MTMR12: variants seen among roughly 807,000 people sequenced by gnomAD.
The protein encoded by MTMR12 is myotubularin-related protein 12.
MTMR12 carries 33 observed loss-of-function variants against 96.7 expected under a neutral mutation model. The ratio of observed to expected loss-of-function variants is 0.34; its 90% CI spans 0.26 to 0.46. The LOEUF (loss-of-function observed/expected upper bound fraction) is 0.46. MTMR12 is among the 20% of genes least tolerant of loss of function. MTMR12 has a pLI of 1.00. For missense variants in MTMR12, 721 were observed against 896.1 expected (o/e 0.80, Z 2.49); for synonymous variants, 298 against 327.2 (o/e 0.91, Z 0.96).
chr5:32,269,501 C>T (rs923642607), intron 5 of MTMR12, among the ~76,000 whole-genome samples: 3 of 152,070 alleles, frequency 2.0e-5, no homozygotes, highest in Admixed American at 6.6e-5. Flanking sequence ...GACAGGGTTT[C>T]GCCATGTTGG....
At chr5:32,243,665 C>A (rs1228150373) in intron 10 of MTMR12, 66 bp from the exon 11 acceptor site, 9 of 984,330 alleles carry the variant, frequency 9.1e-6, no homozygotes, top group South Asian at 1.4e-5. Context: ...CACAAAAATC[C>A]TGTGCTCCTC....
At chr5:32,293,288 A>G (rs1750807436) in intron 1 of MTMR12, among the ~76,000 whole-genome samples, 1 of 152,162 alleles carries the variant, frequency 6.6e-6, no homozygotes, top group African/African-American at 2.4e-5. Flanking sequence ...TGGGCTGGGA[A>G]AGGCAGACCC....
chr5:32,256,949 T>A (rs28490214), intron 7 of MTMR12, among the ~76,000 whole-genome samples: 3 of 152,178 alleles, frequency 2.0e-5, no homozygotes, highest in African/African-American at 7.2e-5. Context: ...TGATTACTTT[T>A]AAAAAAAGAT....
chr5:32,303,469 G>A (rs543772659), intron 1 of MTMR12, among the ~76,000 whole-genome samples: 1 of 152,150 alleles, frequency 6.6e-6, no homozygotes, highest in East Asian at 1.9e-4. Context: ...AAAGCCAACA[G>A]GAGATTAGAG....
chr5:32,290,362 G>A (rs569660344), intron 1 of MTMR12, among the ~76,000 whole-genome samples: 1 of 152,132 alleles, frequency 6.6e-6, no homozygotes, highest in Non-Finnish European at 1.5e-5. Flanking sequence ...TTATTGGTGA[G>A]ACATTTTCAT....
At chr5:32,300,689 C>G (rs1416463531) in intron 1 of MTMR12, among the ~76,000 whole-genome samples, 1 of 152,082 alleles carries the variant, frequency 6.6e-6, no homozygotes, top group Admixed American at 6.6e-5. Flanking sequence ...TAGCATAGAT[C>G]ATCTTTATTC....
chr5:32,272,377 T>C (rs1013522581), intron 3 of MTMR12, among the ~76,000 whole-genome samples: 3 of 152,064 alleles, frequency 2.0e-5, no homozygotes, highest in Admixed American at 6.6e-5. Flanking sequence ...TGAGAAAAGC[T>C]CCTGAGATTC....
intron 8 of MTMR12, among the ~76,000 whole-genome samples, chr5:32,251,773 G>C (rs959236268): frequency 1.3e-5 from 2 of 152,140 alleles, no homozygotes; most frequent in Admixed American, 6.5e-5. Flanking sequence ...CTCCAAACAA[G>C]GCAATCAAGA....
chr5:32,310,123 T>C (rs1264163979), intron 1 of MTMR12, among the ~76,000 whole-genome samples: 2 of 152,154 alleles, frequency 1.3e-5, no homozygotes, highest in African/African-American at 4.8e-5. Flanking sequence ...GAGAGCAGCC[T>C]GGGCAAAGAC....
intron 1 of MTMR12, among the ~76,000 whole-genome samples, chr5:32,310,543 A>AGGCGCAGAAAGACAAACTTT (rs1751538809): frequency 1.3e-5 from 2 of 152,258 alleles, no homozygotes; most frequent in Non-Finnish European, 2.9e-5. Context: ...GAACTACGCC[A>AGGCGCAGAAAGACAAACTTT]GGCGCAGAAA....
intron 10 of MTMR12, among the ~76,000 whole-genome samples, chr5:32,245,272 G>C (rs1748635741): frequency 6.6e-6 from 1 of 152,124 alleles, no homozygotes; most frequent in South Asian, 2.1e-4. Flanking sequence ...CTGACCTCTG[G>C]TGATCCGCCC....
In MTMR12 at chr5:32,239,095, A is replaced by G. The variant is rs1299942481; in HGVS notation, c.1250T>C (p.Ile417Thr). 3 of 1,610,120 alleles carry G rather than the reference A, an allele frequency of 1.9e-6. No individual in the cohort carries two copies. The highest frequency in any genetic ancestry group is 3.4e-5 in the Admixed American group (2 of 59,478). ...LMMDPHCRTR[I>T]GFQSLIQKEW... ...CTTTTGGATGAGGCTCTGGAAACCA[A>G]TTCTGGTTCTGCAGTGGGGGTCCAT... The change falls in exon 13 of 16, where the codon ATT becomes ACT. Residue 417 changes from isoleucine (I) to threonine (T), a missense_variant. Coordinates refer to ENST00000382142, the MANE Select transcript of MTMR12 (RefSeq NM_001040446.3).
chr5:32,250,881 T>C (rs1216102404), intron 8 of MTMR12, among the ~76,000 whole-genome samples: 1 of 152,176 alleles, frequency 6.6e-6, no homozygotes, highest in African/African-American at 2.4e-5. Context: ...CAAAGAGGCT[T>C]CTCACAGAAA....
Position 32,231,224 on chromosome 5 carries a change from C to T in MTMR12, c.1675-877G>A, listed in dbSNP as rs143048516. 5.2e-4 allele frequency among the ~76,000 whole-genome samples: 79 copies of T among 152,006 alleles called. 1 individual carries two copies. The East Asian group carries it at 0.015, about 28-fold the overall frequency. Reference sequence around the variant, plus strand: ...CAACCTGGCCAAAATGGCAAAACCCCATCTCCACTAAAAATAGAAAAAATT... The same window carrying T: ...CAACCTGGCCAAAATGGCAAAACCCTATCTCCACTAAAAATAGAAAAAATT... On this transcript the variant is annotated intron_variant, in intron 15 of 15. Coordinates refer to ENST00000382142, the MANE Select transcript of MTMR12 (RefSeq NM_001040446.3).
chr5:32,312,731 C>A lies in MTMR12; in HGVS notation c.81+27G>T, dbSNP rs746085191. 3 of 1,488,846 alleles carry A rather than the reference C, an allele frequency of 2.0e-6. No homozygotes were observed. In the South Asian group the frequency reaches 3.8e-5, roughly 19 times the overall value. 92.2% of individuals were successfully genotyped at this position (1,488,846 alleles called of 1,614,324 possible). On this transcript the variant is annotated intron_variant, in intron 1 of 15. Transcript: ENST00000382142. This position sits in a 1 kb window ranked among gnomAD's most constrained non-coding sequence, Gnocchi z 5.0. ...CCTCGCCCCGGCCGCCCCTGCCCGA[C>A]GCCCCGCCTGCGCGGCGCCCCCTCA...
chr5:32,234,036 C>T, intron 14 of MTMR12, 102 bp from the exon 15 acceptor site: 2 of 1,364,026 alleles, frequency 1.5e-6, no homozygotes, highest in Non-Finnish European at 1.0e-6. Flanking sequence ...CCTGCTCTGC[C>T]CTGAGAATGA....
chr5:32,255,787 A>T lies in MTMR12; in HGVS notation c.714-19T>A, dbSNP rs377323848. ...TGGCAATCTAGAAGAAAGAAATGTC[A>T]TCAAGTTTTAGTACAACACTTAATT... On this transcript the variant is annotated intron_variant, in intron 7 of 15. Coordinates refer to ENST00000382142, the MANE Select transcript of MTMR12 (RefSeq NM_001040446.3). The T allele has an allele frequency of 1.9e-6, 3 of 1,593,294 alleles. No individual in the cohort carries two copies. Among genetic ancestry groups the T allele is most frequent in the East Asian group, 2.2e-5 (1 of 44,750 alleles).
chr5:32,301,571 C>T (rs1195753144), intron 1 of MTMR12, among the ~76,000 whole-genome samples: 1 of 152,224 alleles, frequency 6.6e-6, no homozygotes, highest in South Asian at 2.1e-4. Flanking sequence ...GACTCATTCA[C>T]TTCAAGTGTT....
chr5:32,268,818 T>C (rs1327025715), intron 5 of MTMR12, 24 bp from the exon 6 acceptor site: 3 of 1,574,712 alleles, frequency 1.9e-6, no homozygotes, highest in Admixed American at 1.7e-5. Flanking sequence ...GAACAATGGA[T>C]ATAGTTATGG....
Sources: gnomAD v4.1 joint callset for allele counts (sites outside exome capture counted in the v4.1 genomes callset) on GRCh38, gnomAD v4.1.1 for gene constraint, Gnocchi (gnomAD v3.1) non-coding constraint, MANE v1.5 for transcripts, NCBI Gene and HGNC (gene_info 2026-07-23, HGNC 2026-07-21) for gene names.